Variants in KLRG1 observed in about 807,000 individuals in gnomAD.
KLRG1 encodes killer cell lectin-like receptor subfamily G member 1.
Under a neutral mutation model 21.8 loss-of-function variants are expected in KLRG1, and 16 were observed. The observed-to-expected ratio is 0.73, with a 90% CI of 0.50 to 1.11. The LOEUF is 1.11. KLRG1 is among the 50% of genes most tolerant of loss of function. KLRG1 has a pLI of 0.00. For synonymous variants in KLRG1, 69 were observed against 75.9 expected (o/e 0.91, Z 0.47); for missense variants, 173 against 218.3 (o/e 0.79, Z 1.31).
At chr12:9,201,037 T>C in the KLRG1 span, 7 of 1,614,072 alleles carry the variant, frequency 4.3e-6, no homozygotes, top group Non-Finnish European at 5.9e-6. Flanking sequence ...TCTGCCATTG[T>C]GCAATTCGAT....
chr12:9,019,350 A>G, the KLRG1 span, among the ~76,000 whole-genome samples: 7 of 152,136 alleles, frequency 4.6e-5, no homozygotes, highest in African/African-American at 1.7e-4. Context: ...CACTGTGGAC[A>G]ACAATATGTA....
chr12:9,033,362 T>C, the KLRG1 span, among the ~76,000 whole-genome samples: 2 of 152,174 alleles, frequency 1.3e-5, no homozygotes, highest in African/African-American at 4.8e-5. Context: ...AGAGGATCAC[T>C]TGAGCCTGGG....
chr12:9,114,137 G>A, the KLRG1 span, among the ~76,000 whole-genome samples: 3 of 152,144 alleles, frequency 2.0e-5, no homozygotes, highest in East Asian at 1.9e-4. Flanking sequence ...AACCATGGAT[G>A]TTTGCATTTT....
the KLRG1 span, among the ~76,000 whole-genome samples, chr12:9,211,708 G>A: frequency 6.6e-6 from 1 of 152,158 alleles, no homozygotes; most frequent in East Asian, 1.9e-4. Flanking sequence ...ATCTGAAGGA[G>A]CAAACACCTT....
chr12:9,095,042 G>A, the KLRG1 span: 1 of 1,596,616 alleles, frequency 6.3e-7, no homozygotes, highest in South Asian at 1.1e-5. Context: ...CACATTTTGG[G>A]TTTACGAATC....
chr12:9,110,497 C>T, the KLRG1 span, among the ~76,000 whole-genome samples: 1 of 151,792 alleles, frequency 6.6e-6, no homozygotes, highest in Admixed American at 6.6e-5. Flanking sequence ...TGGATTTGTT[C>T]GTAACACAAA....
chr12:9,112,614 T>C, the KLRG1 span: 20 of 1,512,288 alleles, frequency 1.3e-5, no homozygotes, highest in Non-Finnish European at 1.8e-5. Flanking sequence ...CACTCTTCCC[T>C]GGAGATCTTG....
chr12:9,191,654 T>C, the KLRG1 span, among the ~76,000 whole-genome samples: 2 of 152,124 alleles, frequency 1.3e-5, no homozygotes, highest in African/African-American at 4.8e-5. Context: ...ATTACAAAAA[T>C]GTTCACGGGT....
the KLRG1 span, among the ~76,000 whole-genome samples, chr12:9,198,926 C>T: frequency 6.6e-6 from 1 of 152,132 alleles, no homozygotes; most frequent in Non-Finnish European, 1.5e-5. Context: ...TTTAGGCTGG[C>T]ATATTCCTTT....
At chr12:9,107,793 G>A in the KLRG1 span, 1 of 722,550 alleles carries the variant, frequency 1.4e-6, no homozygotes, top group Non-Finnish European at 2.1e-6. Context: ...GAAGACAAGA[G>A]TCACTAATGG....
At chr12:9,024,396 C>T in the KLRG1 span, among the ~76,000 whole-genome samples, 7 of 152,138 alleles carry the variant, frequency 4.6e-5, no homozygotes, top group Admixed American at 2.6e-4. Context: ...CACTTCTACC[C>T]CACTGTAATT....
At chr12:9,101,143 C>CT in the KLRG1 span, 1 of 1,558,826 alleles carries the variant, frequency 6.4e-7, no homozygotes, top group Non-Finnish European at 8.7e-7. Flanking sequence ...GAAATACTCA[C>CT]TGTCTTCCTG....
chr12:9,029,205 T>A, the KLRG1 span: 7 of 184,454 alleles, frequency 3.8e-5, no homozygotes, highest in Non-Finnish European at 6.7e-5. Context: ...GTGTGTTTTT[T>A]AAAATTTTTT....
the KLRG1 span, chr12:9,098,571 G>T: frequency 6.4e-7 from 1 of 1,566,780 alleles, no homozygotes; most frequent in Non-Finnish European, 8.6e-7. Flanking sequence ...CCCCTGGCAC[G>T]GCCCTTCTTG....
At chr12:9,118,274 T>C in the KLRG1 span, among the ~76,000 whole-genome samples, 1 of 152,168 alleles carries the variant, frequency 6.6e-6, no homozygotes, top group African/African-American at 2.4e-5. Context: ...TCTATGTTTT[T>C]AACCCACTCC....
the KLRG1 span, among the ~76,000 whole-genome samples, chr12:9,146,701 T>C: frequency 6.6e-6 from 1 of 152,184 alleles, no homozygotes; most frequent in Admixed American, 6.5e-5. Flanking sequence ...CTAACAATCC[T>C]TTCTCTTCTC....
chr12:9,185,522 C>T, the KLRG1 span, among the ~76,000 whole-genome samples: 1 of 152,154 alleles, frequency 6.6e-6, no homozygotes, highest in Non-Finnish European at 1.5e-5. Flanking sequence ...TTTAGGATAT[C>T]ATCCATGAGA....
the KLRG1 span, among the ~76,000 whole-genome samples, chr12:9,033,280 T>TA: frequency 6.6e-6 from 1 of 151,752 alleles, no homozygotes; most frequent in Non-Finnish European, 1.5e-5. Context: ...CTAACAAAAA[T>TA]AAAAAAATAA....
At chr12:9,058,336 G>A in the KLRG1 span, 2 of 152,116 alleles carry the variant, frequency 1.3e-5, no homozygotes, top group Non-Finnish European at 2.9e-5. Context: ...ACAACCCTTG[G>A]AAACACTTCC....
Sources: allele counts gnomAD v4.1 joint callset (sites outside exome capture counted in the v4.1 genomes callset), GRCh38; gene constraint gnomAD v4.1.1; transcripts MANE v1.5; gene names NCBI Gene and HGNC (gene_info 2026-07-23, HGNC 2026-07-21).